Variants in TMEM132D observed in about 807,000 individuals in gnomAD.
TMEM132D encodes the protein mature OL transmembrane protein.
In TMEM132D, 21 loss-of-function variants were observed where a neutral mutation model predicts 62.3. That is an observed-to-expected ratio of 0.34 (90% CI 0.24 to 0.49). The LOEUF is 0.49. Ranked by LOEUF, TMEM132D falls within the 20% of genes least tolerant of loss-of-function variation. The pLI is 0.99. For missense variants in TMEM132D, 1,346 were observed against 1,402.8 expected, an observed-to-expected ratio of 0.96 and a Z score of 0.65; for synonymous variants, 621 against 575.6, an observed-to-expected ratio of 1.08 and a Z score of -1.13.
At chr12:129,535,954 ATAGTCCTGT>A (rs1374353360) in intron 2 of TMEM132D, among the ~76,000 whole-genome samples, 1 of 152,202 alleles carries the variant, frequency 6.6e-6, no homozygotes, top group African/African-American at 2.4e-5. Context: ...TATAATGAAC[ATAGTCCTGT>A]TAGAAACTAT....
chr12:129,238,617 A>G (rs1879849869), intron 4 of TMEM132D, among the ~76,000 whole-genome samples: 1 of 152,210 alleles, frequency 6.6e-6, no homozygotes. Context: ...ACTTAGAAAA[A>G]TGTCCTCAAG....
chr12:129,354,546 A>T (rs1397329927), intron 3 of TMEM132D, among the ~76,000 whole-genome samples: 2 of 151,580 alleles, frequency 1.3e-5, no homozygotes, highest in Admixed American at 6.6e-5. Context: ...CTGGTCTCAA[A>T]CTCCTGACTT....
At chr12:129,799,253 C>A (rs1871666171) in intron 1 of TMEM132D, among the ~76,000 whole-genome samples, 1 of 151,850 alleles carries the variant, frequency 6.6e-6, no homozygotes, top group African/African-American at 2.4e-5. Flanking sequence ...CACACTCCAC[C>A]CTGGGCAACA....
At chr12:129,838,922 G>C (rs1319447154) in intron 1 of TMEM132D, among the ~76,000 whole-genome samples, 1 of 150,358 alleles carries the variant, frequency 6.7e-6, no homozygotes, top group East Asian at 2.0e-4. Flanking sequence ...TTGGAGGTCA[G>C]TTAAGAATAG....
intron 5 of TMEM132D, among the ~76,000 whole-genome samples, chr12:129,155,121 A>G (rs1430208166): frequency 1.3e-5 from 2 of 152,246 alleles, no homozygotes; most frequent in Non-Finnish European, 2.9e-5. Flanking sequence ...AAAACAAAAC[A>G]TTTGCAAGAA....
chr12:129,377,365 C>T (rs1193108675), intron 3 of TMEM132D, among the ~76,000 whole-genome samples: 3 of 152,126 alleles, frequency 2.0e-5, no homozygotes, highest in Non-Finnish European at 4.4e-5. Context: ...CAGACTCATA[C>T]AGAAGGCTTC....
intron 3 of TMEM132D, among the ~76,000 whole-genome samples, chr12:129,440,629 T>C (rs974419683): frequency 1.3e-5 from 2 of 152,182 alleles, no homozygotes; most frequent in Non-Finnish European, 2.9e-5. Context: ...GAAATATCCA[T>C]AGTGTAGATA....
At chr12:129,694,244 G>A (rs1228548064) in intron 2 of TMEM132D, among the ~76,000 whole-genome samples, 1 of 152,160 alleles carries the variant, frequency 6.6e-6, no homozygotes, top group Non-Finnish European at 1.5e-5. Context: ...GATAAACATG[G>A]CACTTTGCCT....
chr12:129,242,117 TA>T (rs1879954237), intron 4 of TMEM132D, among the ~76,000 whole-genome samples: 1 of 152,206 alleles, frequency 6.6e-6, no homozygotes, highest in Non-Finnish European at 1.5e-5. Context: ...CCCTAAACCA[TA>T]ATGCCCTTCC....
chr12:129,162,808 G>C (rs1427289545), intron 5 of TMEM132D, among the ~76,000 whole-genome samples: 3 of 152,190 alleles, frequency 2.0e-5, no homozygotes, highest in Admixed American at 2.0e-4. Flanking sequence ...TTGCATAACT[G>C]TCAGCCAATT....
chr12:129,133,520 C>T (rs1040780548), intron 5 of TMEM132D, among the ~76,000 whole-genome samples: 14 of 152,264 alleles, frequency 9.2e-5, no homozygotes, highest in African/African-American at 3.1e-4. Context: ...TCCTGCTCTT[C>T]CCCCTTTATG....
intron 3 of TMEM132D, among the ~76,000 whole-genome samples, chr12:129,460,315 T>C (rs1482025752): frequency 6.6e-6 from 1 of 152,218 alleles, no homozygotes; most frequent in Non-Finnish European, 1.5e-5. Flanking sequence ...ACTTGAGAAC[T>C]GCCACACATC....
intron 5 of TMEM132D, among the ~76,000 whole-genome samples, chr12:129,196,150 T>C (rs1198049080): frequency 1.3e-5 from 2 of 152,140 alleles, no homozygotes; most frequent in Admixed American, 6.5e-5. Context: ...AAAAAGAGTT[T>C]ATGGATCTTG....
chr12:129,124,321 C>T (rs1565971849), intron 5 of TMEM132D, among the ~76,000 whole-genome samples: 1 of 152,092 alleles, frequency 6.6e-6, no homozygotes, highest in Non-Finnish European at 1.5e-5. Flanking sequence ...ACTTCTATTT[C>T]CCAAAATAGG....
intron 3 of TMEM132D, among the ~76,000 whole-genome samples, chr12:129,398,919 T>C (rs1169791161): frequency 6.6e-6 from 1 of 152,128 alleles, no homozygotes; most frequent in Non-Finnish European, 1.5e-5. Context: ...TATAAGAGAA[T>C]ACTTGAGAAT....
At chr12:129,362,877 G>A (rs757361764) in intron 3 of TMEM132D, among the ~76,000 whole-genome samples, 3 of 152,054 alleles carry the variant, frequency 2.0e-5, no homozygotes, top group Non-Finnish European at 4.4e-5. Context: ...TTAGAAAAGG[G>A]GTCTATCTTT....
intron 3 of TMEM132D, among the ~76,000 whole-genome samples, chr12:129,368,041 C>A (rs897437836): frequency 6.6e-6 from 1 of 152,160 alleles, no homozygotes; most frequent in African/African-American, 2.4e-5. Flanking sequence ...GATTCACCCA[C>A]CTCAGCCTCT....
intron 3 of TMEM132D, among the ~76,000 whole-genome samples, chr12:129,391,379 C>T (rs900264): frequency 0.36 from 54,497 of 152,032 alleles, 10,546 homozygotes; most frequent in Middle Eastern, 0.45. Flanking sequence ...GTCCACTGTG[C>T]CTCTAACTGG....
chr12:129,429,144 A>C (rs11060338), intron 3 of TMEM132D, among the ~76,000 whole-genome samples: 1,679 of 107,636 alleles, frequency 0.016, 26 homozygotes, highest in African/African-American at 0.027. Flanking sequence ...CCTTCAAGTT[A>C]CTCACTGTAG....
Sources: allele counts gnomAD v4.1 joint callset (sites outside exome capture counted in the v4.1 genomes callset), GRCh38; gene constraint gnomAD v4.1.1; transcripts MANE v1.5; gene names NCBI Gene and HGNC (gene_info 2026-07-23, HGNC 2026-07-21).